GOLM1: variants seen among roughly 807,000 people sequenced by gnomAD.
The protein encoded by GOLM1 is epididymis luminal protein 46.
In GOLM1, 31 loss-of-function variants were observed where a neutral mutation model predicts 50.5. The ratio of observed to expected loss-of-function variants is 0.61; its 90% CI spans 0.46 to 0.83. The LOEUF (loss-of-function observed/expected upper bound fraction) is 0.83, where lower values mean the gene tolerates loss of function less well. Ranked by LOEUF, GOLM1 falls within the 40% of genes least tolerant of loss-of-function variation. The probability of loss-of-function intolerance (pLI) is 0.00; values close to 1 mark genes in which losing one functional copy is unlikely to be tolerated. For synonymous variants in GOLM1, 178 were observed against 192.8 expected, an observed-to-expected ratio of 0.92 and a Z score of 0.64; for missense variants, 491 against 501.3, an observed-to-expected ratio of 0.98 and a Z score of 0.20.
chr9:86,035,841 C>T (rs1331507226), intron 7 of GOLM1, among the ~76,000 whole-genome samples: 9 of 130,174 alleles, frequency 6.9e-5, no homozygotes, highest in African/African-American at 2.0e-4. Context: ...TCGTCAGAAC[C>T]GCGACAAAGG....
chr9:86,059,048 G>A (rs1484845160), intron 3 of GOLM1, among the ~76,000 whole-genome samples: 1 of 151,966 alleles, frequency 6.6e-6, no homozygotes, highest in Non-Finnish European at 1.5e-5. Flanking sequence ...GTGTTGACAA[G>A]AATGTGGAAA....
chr9:86,085,026 A>G (rs55641333), intron 1 of GOLM1: 36,716 of 151,206 alleles, frequency 0.24, 7,538 homozygotes, highest in African/African-American at 0.54. Context: ...GCCTGGGGGC[A>G]ACAGAGTGAG....
In GOLM1 at chr9:86,073,972, A is replaced by T. The variant is rs577855706; in HGVS notation, c.309+3440T>A. Among the ~76,000 whole-genome samples the T allele has an allele frequency of 9.9e-5, 15 of 152,274 alleles. No homozygotes were observed. The East Asian group carries it at 2.7e-3, about 28-fold the overall frequency. ...GTGTTTGTTCACATTTTCCCTGATG[A>T]CAGGTTTGGTTTCCAAGCTTTTGTC... On this transcript the variant is annotated intron_variant, in intron 3 of 9. Transcript: ENST00000388712.
chr9:86,047,868 G>A (rs571547153), intron 4 of GOLM1, among the ~76,000 whole-genome samples: 124 of 152,266 alleles, frequency 8.1e-4, no homozygotes, highest in African/African-American at 2.9e-3. Flanking sequence ...CTGTATGCAT[G>A]TACCCAATTA....
chr9:86,054,527 T>C (rs1348795966), intron 3 of GOLM1, among the ~76,000 whole-genome samples: 4 of 152,116 alleles, frequency 2.6e-5, no homozygotes, highest in Non-Finnish European at 5.9e-5. Context: ...CCCGGCCTCA[T>C]GTATTCTTCT....
At chr9:86,065,460 A>C (rs2118803094) in intron 3 of GOLM1, among the ~76,000 whole-genome samples, 1 of 152,334 alleles carries the variant, frequency 6.6e-6, no homozygotes, top group East Asian at 1.9e-4. Flanking sequence ...TATCTGCACA[A>C]GATCGCTTTG....
In GOLM1 at chr9:86,046,324, T is replaced by G. The variant is rs1380050633; in HGVS notation, c.467+146A>C. On this transcript the variant is annotated intron_variant, in intron 5 of 9. Coordinates refer to ENST00000388712, the MANE Select transcript of GOLM1 (RefSeq NM_016548.4). ...CCTCCTTGTGCATTTGTGTAGGACATGAATCCTAGAGGGGCCCGTGCCTTT... is the reference window on the plus strand; with the variant it reads ...CCTCCTTGTGCATTTGTGTAGGACAGGAATCCTAGAGGGGCCCGTGCCTTT... 44 of 615,326 alleles carry G rather than the reference T, an allele frequency of 7.2e-5. No homozygotes were observed. In the East Asian group the frequency reaches 1.2e-3, roughly 17 times the overall value. 38.1% of individuals were successfully genotyped at this position (615,326 alleles called of 1,614,324 possible).
chr9:86,053,420 AAC>A (rs1833844059), intron 3 of GOLM1, among the ~76,000 whole-genome samples: 2 of 91,838 alleles, frequency 2.2e-5, no homozygotes, highest in African/African-American at 4.1e-5. Context: ...CTTCACACCA[AAC>A]CACACCACAC....
intron 5 of GOLM1, among the ~76,000 whole-genome samples, chr9:86,041,125 A>T (rs1310708335): frequency 6.6e-6 from 1 of 152,120 alleles, no homozygotes; most frequent in Non-Finnish European, 1.5e-5. Context: ...TTTAACATAC[A>T]ATCTGTAGAA....
rs371311723 is a variant in GOLM1 at position 86,077,439 on chromosome 9, G to A, written c.282C>T (p.Ser94=). The A allele has an allele frequency of 1.0e-4, 169 of 1,614,066 alleles. No individual in the cohort carries two copies. Among genetic ancestry groups the A allele is most frequent in the Admixed American group, 5.5e-4 (33 of 60,034 alleles). The change falls in exon 3 of 10, where the codon AGC becomes AGT. Residue 94 remains serine (S), a synonymous_variant. Coordinates refer to ENST00000388712, the MANE Select transcript of GOLM1 (RefSeq NM_016548.4). ...IQSSHNFQLE[S]VNKLYQDEKA... Reference sequence around the variant, plus strand: ...TTTCGTCCTGGTACAGCTTGTTGACGCTCTCCAGCTGGAAGTTGTGGCTGG... The same window carrying A: ...TTTCGTCCTGGTACAGCTTGTTGACACTCTCCAGCTGGAAGTTGTGGCTGG...
intron 3 of GOLM1, among the ~76,000 whole-genome samples, chr9:86,064,835 C>G (rs76687945): frequency 7.2e-5 from 11 of 152,276 alleles, no homozygotes; most frequent in Admixed American, 6.5e-4. Flanking sequence ...TGCAGCAGAT[C>G]GGCTCCTCCA....
intron 3 of GOLM1, among the ~76,000 whole-genome samples, chr9:86,056,232 CTTTA>C (rs1833982095): frequency 1.3e-5 from 2 of 151,264 alleles, no homozygotes; most frequent in Admixed American, 1.3e-4. Context: ...CTCCATGTGA[CTTTA>C]TTCTTCCAAA....
At chr9:86,062,531 G>A (rs867293607) in intron 3 of GOLM1, among the ~76,000 whole-genome samples, 5 of 151,222 alleles carry the variant, frequency 3.3e-5, no homozygotes, top group Middle Eastern at 3.4e-3. Context: ...AGAGGAGGAG[G>A]GAAGAAAAGA....
At position 86,097,167 on chromosome 9, in the gene GOLM1, GTC is replaced by G. The variant is rs200441075; in HGVS notation, c.-22+2242_-22+2243del. Among the ~76,000 whole-genome samples the G allele has an allele frequency of 7.0e-3, 1,057 of 151,124 alleles. 9 individuals are homozygous for G. Among genetic ancestry groups the G allele is most frequent in the African/African-American group, 0.022 (923 of 41,076 alleles). Reference sequence around the variant, plus strand: ...AAACACTTCATAAATTTGGAGACAAGTCTCTCTTTTAATGTAACTTCATCAAT... The same window carrying G: ...AAACACTTCATAAATTTGGAGACAAGTCTCTTTTAATGTAACTTCATCAAT... On this transcript the variant is annotated intron_variant, in intron 1 of 9. Transcript: ENST00000388712.
chr9:86,042,339 C>T (rs1833383766), intron 5 of GOLM1, among the ~76,000 whole-genome samples: 1 of 152,228 alleles, frequency 6.6e-6, no homozygotes, highest in African/African-American at 2.4e-5. Context: ...TGAAGCCAGA[C>T]TCCAGGGCTC....
chr9:86,038,046 C>T (rs1042940155), intron 6 of GOLM1, among the ~76,000 whole-genome samples: 3 of 151,270 alleles, frequency 2.0e-5, no homozygotes, highest in Admixed American at 6.6e-5. Context: ...CCCAGCTACT[C>T]GGGAGGCTGA....
At chr9:86,043,587 GC>G (rs1214290506) in intron 5 of GOLM1, among the ~76,000 whole-genome samples, 2 of 152,172 alleles carry the variant, frequency 1.3e-5, no homozygotes, top group Non-Finnish European at 2.9e-5. Context: ...AGAATAACTA[GC>G]TTTTTTTTGC....
chr9:86,033,573 G>A (rs2118630877), intron 8 of GOLM1, among the ~76,000 whole-genome samples, 178 bp from the exon 9 acceptor site: 1 of 152,290 alleles, frequency 6.6e-6, no homozygotes, highest in East Asian at 1.9e-4. Context: ...TGCATTATGT[G>A]TACTCCACTT....
intron 1 of GOLM1, among the ~76,000 whole-genome samples, chr9:86,096,258 CATAA>C (rs924238169): frequency 1.3e-5 from 2 of 151,580 alleles, no homozygotes; most frequent in Non-Finnish European, 2.9e-5. Context: ...CTTCTGTATC[CATAA>C]ATAAAGTTTT....
Sources: gnomAD v4.1 joint callset for allele counts (sites outside exome capture counted in the v4.1 genomes callset) on GRCh38, gnomAD v4.1.1 for gene constraint, MANE v1.5 for transcripts, NCBI Gene and HGNC (gene_info 2026-07-23, HGNC 2026-07-21) for gene names.